The following MYCBP2 variants were observed in gnomAD, a reference collection of about 807,000 sequenced individuals.
The protein encoded by MYCBP2 is MYC binding protein 2.
MYCBP2 carries 120 observed loss-of-function variants against 525.3 expected under a neutral mutation model. That is an observed-to-expected ratio of 0.23 (90% CI 0.20 to 0.27). MYCBP2 has a LOEUF of 0.27. Ranked by LOEUF, MYCBP2 falls within the 10% of genes least tolerant of loss-of-function variation. MYCBP2 has a pLI of 1.00. For missense variants in MYCBP2, 4,149 were observed against 5,657.1 expected, an observed-to-expected ratio of 0.73 and a Z score of 8.55; for synonymous variants, 1,894 against 1,955.8, an observed-to-expected ratio of 0.97 and a Z score of 0.83.
intron 30 of MYCBP2, among the ~76,000 whole-genome samples, chr13:77,188,674 T>G (rs988891823): frequency 3.9e-5 from 6 of 152,332 alleles, no homozygotes; most frequent in Non-Finnish European, 7.3e-5. Context: ...AGCATATGCA[T>G]TCATATATGA....
At chr13:77,108,518 T>A (rs1473449726) in intron 55 of MYCBP2, among the ~76,000 whole-genome samples, 1 of 152,176 alleles carries the variant, frequency 6.6e-6, no homozygotes, top group Non-Finnish European at 1.5e-5. Context: ...AGTTGCTTAT[T>A]AGTTGCAAGG....
intron 55 of MYCBP2, chr13:77,099,240 C>A (rs974358268): frequency 3.5e-6 from 2 of 576,354 alleles, no homozygotes; most frequent in Admixed American, 3.4e-5. Flanking sequence ...GGACGCAAAA[C>A]AACAGGTTGA....
intron 18 of MYCBP2, among the ~76,000 whole-genome samples, chr13:77,225,936 T>A (rs1355696757): frequency 6.6e-6 from 1 of 152,188 alleles, no homozygotes; most frequent in African/African-American, 2.4e-5. Flanking sequence ...TATTTTAAAC[T>A]TAGTGATATT....
rs1247007426 is a variant in MYCBP2, at chr13:77,189,040, T to C, written c.4162A>G (p.Thr1388Ala). ...CCTTTTGAAGCACTGCCATCACTGG[T>C]TGGAAGTCTAAAGGCAGTAGACACA... ...QIPQLLYRLP[T>A]SDGSASKGKQ... The change falls in exon 30 of 83, where the codon ACC (threonine) becomes GCC (alanine). Residue 1388 changes from threonine (T) to alanine (A), a missense_variant. This residue lies in a region of MYCBP2 where 292 missense variants were observed against 330.5 expected (regional missense o/e 0.88). Coordinates refer to ENST00000544440, the MANE Select transcript of MYCBP2 (RefSeq NM_015057.5). 1.9e-6 allele frequency: 3 copies of C among 1,608,568 alleles called. No individual in the cohort carries two copies. The highest frequency in any genetic ancestry group is 2.5e-6 in the Non-Finnish European group (3 of 1,177,612).
At position 77,058,543 on chromosome 13, in the gene MYCBP2, G is replaced by T; in HGVS notation, c.13141-137C>A. ...GCAGGCCAAGTAACAACAAAGTAAA[G>T]TTATTTCTAATCTTTGTTTGAATAT... is the stretch of plus-strand genomic sequence containing the variant. On this transcript the variant is annotated intron_variant, in intron 77 of 82. Coordinates refer to ENST00000544440, the MANE Select transcript of MYCBP2 (RefSeq NM_015057.5). This position sits in a 1 kb window ranked among gnomAD's most constrained non-coding sequence, Gnocchi z 4.1. The T allele has an allele frequency of 8.1e-6, 5 of 613,556 alleles. No homozygotes were observed. The highest frequency in any genetic ancestry group is 8.4e-5 in the South Asian group (2 of 23,874). 38.0% of individuals were successfully genotyped at this position (613,556 alleles called of 1,614,324 possible).
At chr13:77,292,068 C>CA (rs908778922) in intron 2 of MYCBP2, among the ~76,000 whole-genome samples, 1 of 152,180 alleles carries the variant, frequency 6.6e-6, no homozygotes, top group African/African-American at 2.4e-5. Flanking sequence ...GATTGACTAA[C>CA]AAGATATGTC....
chr13:77,051,712 G>T, intron 81 of MYCBP2, 99 bp downstream of exon 81: 1 of 791,918 alleles, frequency 1.3e-6, no homozygotes, highest in Non-Finnish European at 2.0e-6. Flanking sequence ...AAAATACTGA[G>T]GAGAAAAGCC....
intron 1 of MYCBP2, among the ~76,000 whole-genome samples, chr13:77,320,784 T>A (rs9600864): frequency 0.039 from 5,891 of 152,106 alleles, 395 homozygotes; most frequent in African/African-American, 0.13. Context: ...TGCTAAAAAA[T>A]TTTCTAATGA....
intron 79 of MYCBP2, 30 bp from the exon 80 acceptor site, chr13:77,055,797 G>C (rs1281020862): frequency 6.6e-7 from 1 of 1,519,148 alleles, no homozygotes; most frequent in Admixed American, 1.8e-5. Context: ...CTCTTTAGCA[G>C]AATCATTTAT....
intron 35 of MYCBP2, among the ~76,000 whole-genome samples, chr13:77,177,011 C>G (rs527502083): frequency 6.6e-6 from 1 of 152,020 alleles, no homozygotes; most frequent in Non-Finnish European, 1.5e-5. Flanking sequence ...TTTAATAAAA[C>G]TCAGGTACTT....
chr13:77,129,299 T>C (rs752119162), intron 52 of MYCBP2: 3 of 395,312 alleles, frequency 7.6e-6, no homozygotes, highest in Admixed American at 4.4e-5. Flanking sequence ...CTGCAGAAGA[T>C]GCGTGCACAG....
chr13:77,057,294 T>C (rs1259460045), intron 78 of MYCBP2, among the ~76,000 whole-genome samples: 2 of 152,228 alleles, frequency 1.3e-5, no homozygotes, highest in African/African-American at 4.8e-5. Flanking sequence ...TGGGATACTA[T>C]TAACTAGGCC....
At chr13:77,177,190 T>C (rs1451060102) in intron 35 of MYCBP2, among the ~76,000 whole-genome samples, 2 of 151,236 alleles carry the variant, frequency 1.3e-5, no homozygotes, top group Non-Finnish European at 2.9e-5. Context: ...ATCAGGGACT[T>C]AGCTAAACAC....
intron 55 of MYCBP2, among the ~76,000 whole-genome samples, chr13:77,114,703 A>G (rs2049420126): frequency 6.6e-6 from 1 of 152,076 alleles, no homozygotes; most frequent in African/African-American, 2.4e-5. Flanking sequence ...TATATCATAT[A>G]TTTCATGTTT....
intron 44 of MYCBP2, among the ~76,000 whole-genome samples, chr13:77,159,594 A>C (rs2057630684): frequency 6.6e-6 from 1 of 152,184 alleles, no homozygotes; most frequent in African/African-American, 2.4e-5. Context: ...TCATGGGGGC[A>C]GACTTCCCCC....
intron 17 of MYCBP2, among the ~76,000 whole-genome samples, chr13:77,237,982 G>A (rs1169856954): frequency 6.6e-6 from 1 of 152,056 alleles, no homozygotes; most frequent in Non-Finnish European, 1.5e-5. Context: ...GGTGGCTCAC[G>A]CCTGTAATCC....
chr13:77,238,932 C>T (rs1257778285), intron 17 of MYCBP2, among the ~76,000 whole-genome samples: 1 of 152,146 alleles, frequency 6.6e-6, no homozygotes, highest in East Asian at 1.9e-4. Context: ...ACCAGCCTGG[C>T]CAACATGGTG....
At chr13:77,137,864 G>A (rs984841698) in intron 52 of MYCBP2, among the ~76,000 whole-genome samples, 13 of 151,940 alleles carry the variant, frequency 8.6e-5, no homozygotes, top group African/African-American at 1.7e-4. Context: ...GATTACAGGC[G>A]TGAGCCACCT....
At position 77,157,921 on chromosome 13, in the gene MYCBP2, C is replaced by T. The variant is rs1373442442; in HGVS notation, c.6770+16G>A. 6.3e-7 allele frequency: 1 copy of T among 1,593,614 alleles called. No homozygotes were observed. The highest frequency in any genetic ancestry group is 8.5e-7 in the Non-Finnish European group (1 of 1,170,894). On this transcript the variant is annotated intron_variant, in intron 45 of 82. Coordinates refer to ENST00000544440, the MANE Select transcript of MYCBP2 (RefSeq NM_015057.5). ...GAAAGCCCTAAAATAAAGTAAGTAACTTAAAGTACATTTACCTTGCAAGCC... is the reference window on the plus strand; with the variant it reads ...GAAAGCCCTAAAATAAAGTAAGTAATTTAAAGTACATTTACCTTGCAAGCC...
Sources: allele counts gnomAD v4.1 joint callset (sites outside exome capture counted in the v4.1 genomes callset), GRCh38; gene constraint gnomAD v4.1.1; regional missense constraint gnomAD v4.1.1; non-coding constraint Gnocchi (gnomAD v3.1); transcripts MANE v1.5; gene names NCBI Gene and HGNC (gene_info 2026-07-23, HGNC 2026-07-21).